Variants in FOXN2 observed in about 807,000 individuals in gnomAD.
FOXN2 encodes the protein forkhead box protein N2.
In FOXN2, 19 loss-of-function variants were observed where a neutral mutation model predicts 41.2. The ratio of observed to expected loss-of-function variants is 0.46; its 90% CI spans 0.32 to 0.68. The LOEUF (loss-of-function observed/expected upper bound fraction) is 0.68. FOXN2 is among the 30% of genes least tolerant of loss of function. FOXN2 has a pLI of 0.03. For synonymous variants in FOXN2, 195 were observed against 176.8 expected, an observed-to-expected ratio of 1.10 and a Z score of -0.82; for missense variants, 587 against 509.4, an observed-to-expected ratio of 1.15 and a Z score of -1.47.
chr2:48,336,142 G>A (rs547413504), intron 2 of FOXN2, among the ~76,000 whole-genome samples: 105 of 152,034 alleles, frequency 6.9e-4, no homozygotes, highest in African/African-American at 2.4e-3. Flanking sequence ...GGTGGCTCAC[G>A]CCTGTGATAC....
intron 5 of FOXN2, among the ~76,000 whole-genome samples, chr2:48,370,093 C>A (rs543292139): frequency 6.6e-6 from 1 of 152,150 alleles, no homozygotes; most frequent in South Asian, 2.1e-4. Flanking sequence ...CAAGTTGTGC[C>A]CTCTGCAAGT....
chr2:48,370,004 A>AAAAAG (rs986257130), intron 5 of FOXN2, among the ~76,000 whole-genome samples: 4 of 151,964 alleles, frequency 2.6e-5, no homozygotes, highest in African/African-American at 9.7e-5. Flanking sequence ...TGTATCTCAA[A>AAAAAG]AAAAGAAAAG....
At chr2:48,345,564 C>G (rs1378753050) in intron 2 of FOXN2, among the ~76,000 whole-genome samples, 3 of 152,016 alleles carry the variant, frequency 2.0e-5, no homozygotes, top group Admixed American at 6.6e-5. Flanking sequence ...AATCATTTCA[C>G]AATATATACA....
chr2:48,374,032 T>G (rs1195172871), intron 6 of FOXN2, among the ~76,000 whole-genome samples: 1 of 150,712 alleles, frequency 6.6e-6, no homozygotes, highest in Admixed American at 6.6e-5. Context: ...TGGAGAGCAC[T>G]GCACTCCAGT....
rs145134929 is a variant in FOXN2 at position 48,377,775 on chromosome 2, T to C, written c.*2332T>C. 401 of 152,210 alleles carry C rather than the reference T, an allele frequency of 2.6e-3. 1 individual carries two copies. The highest frequency in any genetic ancestry group is 8.6e-3 in the African/African-American group (359 of 41,586). The allele number at this position is 152,210 out of a possible 1,614,324, so 9.4% of individuals were successfully genotyped here. A position where few individuals can be genotyped will look rare whatever the true frequency, so the allele number is the denominator to read the frequency against. On this transcript the variant is annotated 3_prime_UTR_variant, in exon 7 of 7. Transcript: ENST00000340553. ...ATGCATCACCTTCCACTTGCTAACATACCAAGTCAGTTATTTTCAAGGGAA... is the reference window on the plus strand; with the variant it reads ...ATGCATCACCTTCCACTTGCTAACACACCAAGTCAGTTATTTTCAAGGGAA...
chr2:48,336,559 A>C (rs564229849), intron 2 of FOXN2, among the ~76,000 whole-genome samples: 2 of 151,994 alleles, frequency 1.3e-5, no homozygotes, highest in Non-Finnish European at 2.9e-5. Flanking sequence ...AAATATGTAT[A>C]TAATTTCCAC....
rs200645756 is a variant in FOXN2 at position 48,374,970 on chromosome 2, G to A, written c.823G>A (p.Gly275Ser). 4.8e-5 allele frequency: 77 copies of A among 1,613,606 alleles called. No homozygotes were observed. The highest frequency in any genetic ancestry group is 4.4e-5 in the South Asian group (4 of 91,064). The change falls in exon 7 of 7, where the codon GGC becomes AGC. Residue 275 changes from glycine to serine, a missense_variant. Gly to Ser is a moderately conservative substitution (Grantham distance 56). Transcript: ENST00000340553. ...AGCATTGCAAAAAAAGAGGAGTTAC[G>A]GCAATGCATTTCATCATCCCAGTGC... ...KTALQKKRSY[G>S]NAFHHPSAVR...
chr2:48,315,926 T>C (rs1668883516), intron 1 of FOXN2, among the ~76,000 whole-genome samples: 1 of 152,208 alleles, frequency 6.6e-6, no homozygotes, highest in Non-Finnish European at 1.5e-5. Flanking sequence ...CAGACTTTCT[T>C]TCTCCTACCC....
intron 4 of FOXN2, among the ~76,000 whole-genome samples, chr2:48,359,450 C>G (rs974344494): frequency 2.0e-5 from 3 of 151,898 alleles, no homozygotes; most frequent in South Asian, 2.1e-4. Flanking sequence ...AGCACCACCA[C>G]TCCCAGCTAA....
In FOXN2 at chr2:48,375,022, T is replaced by C. The variant is rs368599437; in HGVS notation, c.875T>C (p.Leu292Ser). The change falls in exon 7 of 7, where the codon TTA (leucine) becomes TCA (serine). Residue 292 changes from leucine (L) to serine (S), a missense_variant. Leu to Ser is a moderately radical substitution (Grantham distance 145). Transcript: ENST00000340553. Reference sequence around the variant, plus strand: ...GTACGATTACAAGAGAGTGATTCTTTAGCCACCAGCATTGATCCAAAAGAA... The same window carrying C: ...GTACGATTACAAGAGAGTGATTCTTCAGCCACCAGCATTGATCCAAAAGAA... ...SAVRLQESDS[L>S]ATSIDPKEDH... 8.1e-6 allele frequency: 13 copies of C among 1,613,974 alleles called. No individual in the cohort carries two copies. The highest frequency in any genetic ancestry group is 1.1e-5 in the Non-Finnish European group (13 of 1,179,980).
chr2:48,374,999 A>G lies in FOXN2; in HGVS notation c.852A>G (p.Val284=), dbSNP rs1223226249. 6.2e-7 allele frequency: 1 copy of G among 1,614,048 alleles called. No homozygotes were observed. Among genetic ancestry groups the G allele is most frequent in the Non-Finnish European group, 8.5e-7 (1 of 1,179,964 alleles). ...YGNAFHHPSA[V]RLQESDSLAT... ...ATGCATTTCATCATCCCAGTGCTGT[A>G]CGATTACAAGAGAGTGATTCTTTAG... The change falls in exon 7 of 7, where the codon GTA becomes GTG. Residue 284 remains valine (V), a synonymous_variant. Transcript: ENST00000340553.
chr2:48,318,782 T>G (rs1359865325), intron 1 of FOXN2, among the ~76,000 whole-genome samples: 1 of 152,242 alleles, frequency 6.6e-6, no homozygotes, highest in African/African-American at 2.4e-5. Context: ...GTCTGCCTGA[T>G]TTAAGTATCA....
chr2:48,318,449 G>A (rs552715109), intron 1 of FOXN2, among the ~76,000 whole-genome samples: 1 of 152,260 alleles, frequency 6.6e-6, no homozygotes, highest in Non-Finnish European at 1.5e-5. Flanking sequence ...TGAATTGCCA[G>A]TCTCATCACA....
chr2:48,363,683 A>G (rs1384842998), intron 5 of FOXN2, among the ~76,000 whole-genome samples: 1 of 152,206 alleles, frequency 6.6e-6, no homozygotes, highest in Non-Finnish European at 1.5e-5. Flanking sequence ...AAACTAATAG[A>G]TCATTTACTG....
intron 2 of FOXN2, among the ~76,000 whole-genome samples, chr2:48,336,376 C>G (rs1670353334): frequency 6.7e-6 from 1 of 150,268 alleles, no homozygotes. Context: ...CCACTGCACT[C>G]CAGCCTGGGT....
chr2:48,325,591 A>G (rs1365710173), intron 1 of FOXN2, among the ~76,000 whole-genome samples: 1 of 152,234 alleles, frequency 6.6e-6, no homozygotes, highest in Non-Finnish European at 1.5e-5. Flanking sequence ...AAAGTCTAAC[A>G]TCTCATTTTA....
Position 48,375,440 on chromosome 2 carries a change from A to T in FOXN2, c.1293A>T (p.Lys431Asn). ...CACAAAATCAAAAGCAACGGAAAAA[A>T]TAGAAATACTTAAAGTGTGGCAATA... ...AKTQNQKQRK[K>N] Residue 431 changes from lysine to asparagine, a missense_variant, in exon 7 of 7, where the codon AAA (lysine) becomes AAT (asparagine). Transcript: ENST00000340553. 1 of 1,602,564 alleles carries T rather than the reference A, an allele frequency of 6.2e-7. No individual in the cohort carries two copies. Among genetic ancestry groups the T allele is most frequent in the Non-Finnish European group, 8.5e-7 (1 of 1,174,454 alleles).
chr2:48,358,405 A>C (rs1477195224), intron 3 of FOXN2, among the ~76,000 whole-genome samples: 2 of 152,220 alleles, frequency 1.3e-5, no homozygotes, highest in Non-Finnish European at 2.9e-5. Context: ...AATGTAAATG[A>C]GAAGTCTGAC....
At chr2:48,326,041 G>GT (rs895435794) in intron 1 of FOXN2, among the ~76,000 whole-genome samples, 2 of 151,962 alleles carry the variant, frequency 1.3e-5, no homozygotes, top group African/African-American at 4.8e-5. Context: ...TATAGATGGG[G>GT]TTTTTGCCAT....
Sources: allele counts gnomAD v4.1 joint callset (sites outside exome capture counted in the v4.1 genomes callset), GRCh38; gene constraint gnomAD v4.1.1; transcripts MANE v1.5; gene names NCBI Gene and HGNC (gene_info 2026-07-23, HGNC 2026-07-21).